The following LIPJ variants were observed in gnomAD, a reference collection of about 807,000 sequenced individuals.
The protein encoded by LIPJ is lipase member J.
Under a neutral mutation model 39.8 loss-of-function variants are expected in LIPJ, and 33 were observed. The ratio of observed to expected loss-of-function variants is 0.83; its 90% CI spans 0.63 to 1.11. LIPJ has a LOEUF of 1.11. LIPJ is among the 50% of genes least tolerant of loss of function. The probability of loss-of-function intolerance (pLI) is 0.00; values close to 1 mark genes in which losing one functional copy is unlikely to be tolerated. For missense variants in LIPJ, 422 were observed against 427.9 expected (o/e 0.99, Z 0.12); for synonymous variants, 128 against 139.2 (o/e 0.92, Z 0.57).
At chr10:88,619,616 T>C in the LIPJ span, among the ~76,000 whole-genome samples, 4 of 151,896 alleles carry the variant, frequency 2.6e-5, no homozygotes, top group Non-Finnish European at 4.4e-5. Context: ...ATTATTTTTA[T>C]TGGGTTTTTT....
chr10:88,611,957 C>T (rs1428899641), downstream of LIPJ, among the ~76,000 whole-genome samples: 3 of 152,198 alleles, frequency 2.0e-5, no homozygotes, highest in South Asian at 4.1e-4. Context: ...TGCCTAGGCA[C>T]ATAGTCATCA....
intron 4 of LIPJ, chr10:88,591,776 T>C (rs1851087975): frequency 5.1e-6 from 1 of 194,666 alleles, no homozygotes; most frequent in African/African-American, 2.3e-5. Context: ...TTTCTTTTTC[T>C]GATGAGAAAT....
upstream of LIPJ, chr10:88,583,702 C>T (rs979078343): frequency 2.0e-6 from 2 of 985,848 alleles, no homozygotes; most frequent in African/African-American, 3.5e-5. Context: ...ATAATAGAAA[C>T]ATCTTTTGGA....
At chr10:88,597,002 GCTTGTGTTATAC>G in intron 8 of LIPJ, 66 bp downstream of exon 8, 1 of 913,300 alleles carries the variant, frequency 1.1e-6, no homozygotes, top group South Asian at 1.8e-5. Context: ...TAATAATAGT[GCTTGTGTTATAC>G]CTTGTGTCAT....
At chr10:88,608,367 T>C (rs1851711254), downstream of LIPJ, among the ~76,000 whole-genome samples, 1 of 152,228 alleles carries the variant, frequency 6.6e-6, no homozygotes, top group Admixed American at 6.5e-5. Context: ...AGGAAATATA[T>C]GGGAAATCTT....
At chr10:88,619,552 CAG>C in the LIPJ span, among the ~76,000 whole-genome samples, 2 of 151,390 alleles carry the variant, frequency 1.3e-5, no homozygotes, top group African/African-American at 2.4e-5. Context: ...ACAGCAGGAA[CAG>C]AGAAGGAGTG....
intron 6 of LIPJ, among the ~76,000 whole-genome samples, chr10:88,595,737 A>G (rs1851231695): frequency 6.6e-6 from 1 of 151,658 alleles, no homozygotes; most frequent in Admixed American, 6.6e-5. Context: ...CAATCAGAAT[A>G]TTGATGTGTA....
At chr10:88,601,274 C>T (rs559508183) in intron 8 of LIPJ, among the ~76,000 whole-genome samples, 4 of 152,190 alleles carry the variant, frequency 2.6e-5, no homozygotes, top group Non-Finnish European at 4.4e-5. Context: ...TCAATCACCT[C>T]GCAAAGATCC....
chr10:88,594,455 A>G, intron 5 of LIPJ: 1 of 470,834 alleles, frequency 2.1e-6, no homozygotes, highest in Non-Finnish European at 3.7e-6. Context: ...TCATATACAA[A>G]CACCCTCTTT....
the LIPJ span, among the ~76,000 whole-genome samples, chr10:88,614,667 CT>C: frequency 2.1e-3 from 324 of 152,072 alleles, 1 homozygote; most frequent in African/African-American, 7.3e-3. Flanking sequence ...AATTAAAATC[CT>C]TTTTTGTAAA....
the LIPJ span, among the ~76,000 whole-genome samples, chr10:88,615,035 G>C: frequency 5.3e-5 from 8 of 152,238 alleles, no homozygotes; most frequent in South Asian, 2.1e-4. Flanking sequence ...GTGAAGTGCT[G>C]ATCTTAATGT....
Position 88,603,349 on chromosome 10 carries a change from C to T in LIPJ, c.795+702C>T, listed in dbSNP as rs79399227. On this transcript the variant is annotated intron_variant, in intron 9 of 10. Transcript: ENST00000371939. ...TTTCACTAGACTGCACTTTCTCCTC[C>T]GTTAAATTGTCAACTCCTGAGAACC... 2.6e-3 allele frequency among the ~76,000 whole-genome samples: 389 copies of T among 152,188 alleles called. 1 individual carries two copies. The highest frequency in any genetic ancestry group is 8.8e-3 in the African/African-American group (366 of 41,522).
exon 5 of LIPJ, chr10:88,594,041 G>A: frequency 1.9e-6 from 3 of 1,612,268 alleles, no homozygotes; most frequent in Middle Eastern, 1.7e-4. Flanking sequence ...CTTCATTCTG[G>A]CAGATGCTGG....
downstream of LIPJ, among the ~76,000 whole-genome samples, chr10:88,611,780 A>C (rs998728404): frequency 6.6e-6 from 1 of 152,244 alleles, no homozygotes; most frequent in African/African-American, 2.4e-5. Context: ...TTAAACATCC[A>C]AACCTAAGAA....
At chr10:88,613,774 A>G in the LIPJ span, among the ~76,000 whole-genome samples, 85 of 37,156 alleles carry the variant, frequency 2.3e-3, no homozygotes, top group East Asian at 0.014. Context: ...GTGTGTGTAT[A>G]TATATATATA....
the LIPJ span, among the ~76,000 whole-genome samples, chr10:88,615,991 C>T: frequency 1.3e-5 from 2 of 152,128 alleles, no homozygotes; most frequent in Non-Finnish European, 2.9e-5. Context: ...GTGGGAGGAT[C>T]GCATGAGGCT....
At chr10:88,615,251 AT>A in the LIPJ span, among the ~76,000 whole-genome samples, 1 of 152,212 alleles carries the variant, frequency 6.6e-6, no homozygotes, top group South Asian at 2.1e-4. Flanking sequence ...AGACAAGCAA[AT>A]TTAGAAATGA....
the LIPJ span, among the ~76,000 whole-genome samples, chr10:88,619,286 A>G: frequency 6.6e-6 from 1 of 151,840 alleles, no homozygotes; most frequent in Non-Finnish European, 1.5e-5. Context: ...CGCATCACCT[A>G]GACTCCATTT....
intron 2 of LIPJ, among the ~76,000 whole-genome samples, chr10:88,589,645 T>C (rs1186232215): frequency 6.6e-6 from 1 of 151,776 alleles, no homozygotes; most frequent in Non-Finnish European, 1.5e-5. Context: ...ACTGGACTAA[T>C]AAATATGTAA....
Sources: gnomAD v4.1 joint callset for allele counts (sites outside exome capture counted in the v4.1 genomes callset) on GRCh38, gnomAD v4.1.1 for gene constraint, MANE v1.5 for transcripts, NCBI Gene and HGNC (gene_info 2026-07-23, HGNC 2026-07-21) for gene names.